The following PRKCE variants were observed in gnomAD, a reference collection of about 807,000 sequenced individuals.
PRKCE encodes the protein protein kinase C epsilon type.
PRKCE carries 16 observed loss-of-function variants against 85.4 expected under a neutral mutation model. The ratio of observed to expected loss-of-function variants is 0.19; its 90% CI spans 0.13 to 0.28. The LOEUF (loss-of-function observed/expected upper bound fraction) is 0.28, where lower values mean the gene tolerates loss of function less well. Ranked by LOEUF, PRKCE falls within the 10% of genes least tolerant of loss-of-function variation. The pLI is 1.00. For synonymous variants in PRKCE, 388 were observed against 371.5 expected, an observed-to-expected ratio of 1.04 and a Z score of -0.51; for missense variants, 573 against 975.2, an observed-to-expected ratio of 0.59 and a Z score of 5.49.
rs370136648 is a variant in PRKCE at position 45,940,498 on chromosome 2, GT to G, written c.413-35930del. ...TATGCAGTCAAAAATATTTGGAGAC[GT>G]CTGGCTTAGTAGGCCCAAGTCAGTC... On this transcript the variant is annotated intron_variant, in intron 2 of 14. Coordinates refer to ENST00000306156, the MANE Select transcript of PRKCE (RefSeq NM_005400.3). Among the ~76,000 whole-genome samples, 309 of 152,252 alleles carry G rather than the reference GT, an allele frequency of 2.0e-3. 1 individual carries two copies. Among genetic ancestry groups the G allele is most frequent in the African/African-American group, 7.1e-3 (297 of 41,540 alleles).
intron 2 of PRKCE, among the ~76,000 whole-genome samples, chr2:45,873,864 C>A (rs1482895603): frequency 6.6e-6 from 1 of 152,248 alleles, no homozygotes. Flanking sequence ...CCCAAAAAAA[C>A]CAACTGAGTC....
intron 2 of PRKCE, among the ~76,000 whole-genome samples, chr2:45,947,632 C>T (rs1700329855): frequency 6.6e-6 from 1 of 152,210 alleles, no homozygotes; most frequent in Non-Finnish European, 1.5e-5. Flanking sequence ...TTGGAGACAT[C>T]TTTTTGTGTG....
At chr2:45,764,253 T>C (rs1359551838) in intron 1 of PRKCE, among the ~76,000 whole-genome samples, 1 of 152,218 alleles carries the variant, frequency 6.6e-6, no homozygotes, top group Non-Finnish European at 1.5e-5. Flanking sequence ...GGTGAAAATA[T>C]TGGCCCATTT....
chr2:45,869,470 A>G (rs998271632), intron 2 of PRKCE, among the ~76,000 whole-genome samples: 1 of 152,152 alleles, frequency 6.6e-6, no homozygotes, highest in Non-Finnish European at 1.5e-5. Context: ...CCATTTATTT[A>G]GCACCTATTA....
intron 11 of PRKCE, among the ~76,000 whole-genome samples, chr2:46,088,599 A>G (rs561420337): frequency 6.6e-6 from 1 of 152,334 alleles, no homozygotes; most frequent in Non-Finnish European, 1.5e-5. Context: ...TGATTTGTGC[A>G]TAATGAATAT....
intron 6 of PRKCE, among the ~76,000 whole-genome samples, chr2:45,999,399 T>C (rs752469910): frequency 3.0e-4 from 45 of 152,178 alleles, no homozygotes; most frequent in Non-Finnish European, 8.8e-5. Context: ...TTTTGAATAT[T>C]TAACTTCTTG....
rs1050114152 is a variant in PRKCE at position 45,686,553 on chromosome 2, A to G, written c.348+34105A>G. 2.6e-5 allele frequency among the ~76,000 whole-genome samples: 4 copies of G among 152,226 alleles called. No homozygotes were observed. In the East Asian group the frequency reaches 5.8e-4, roughly 22 times the overall value. On this transcript the variant is annotated intron_variant, in intron 1 of 14. Transcript: ENST00000306156. ...ATACAGTGAGGTGGCTTGACATAGA[A>G]TTAATATACAAAAATAACCGTAGAG...
chr2:46,143,789 G>A (rs1019513747), intron 11 of PRKCE, among the ~76,000 whole-genome samples: 5 of 152,188 alleles, frequency 3.3e-5, no homozygotes, highest in African/African-American at 1.2e-4. Context: ...GCTTACAGCA[G>A]CATATTTTAT....
At chr2:45,778,591 A>C (rs1346026296) in intron 1 of PRKCE, among the ~76,000 whole-genome samples, 1 of 152,016 alleles carries the variant, frequency 6.6e-6, no homozygotes, top group Non-Finnish European at 1.5e-5. Flanking sequence ...AGGGCTCCTC[A>C]TGGGGTTTCA....
intron 1 of PRKCE, among the ~76,000 whole-genome samples, chr2:45,769,915 G>T (rs1685182239): frequency 6.6e-6 from 1 of 152,204 alleles, no homozygotes; most frequent in Admixed American, 6.5e-5. Context: ...TGTACACGGC[G>T]CCAATCTCCC....
chr2:45,669,773 G>A (rs1676071549), intron 1 of PRKCE, among the ~76,000 whole-genome samples: 1 of 152,196 alleles, frequency 6.6e-6, no homozygotes, highest in African/African-American at 2.4e-5. Flanking sequence ...AACTTGGGGA[G>A]GCCAAGGTGG....
chr2:46,108,490 T>G (rs1671955535), intron 11 of PRKCE, among the ~76,000 whole-genome samples: 1 of 152,118 alleles, frequency 6.6e-6, no homozygotes, highest in African/African-American at 2.4e-5. Flanking sequence ...TGTGGAATGA[T>G]GGACAGTGGA....
intron 1 of PRKCE, among the ~76,000 whole-genome samples, chr2:45,814,385 T>G (rs915014919): frequency 1.3e-5 from 2 of 152,216 alleles, no homozygotes; most frequent in Non-Finnish European, 1.5e-5. Flanking sequence ...AAGTGCTCCC[T>G]GCCTGGAAGG....
chr2:45,968,497 T>C (rs1245573386), intron 2 of PRKCE, among the ~76,000 whole-genome samples: 1 of 151,850 alleles, frequency 6.6e-6, no homozygotes, highest in African/African-American at 2.4e-5. Flanking sequence ...GGGAGGGAGG[T>C]GATGATGAAA....
At chr2:46,114,970 G>C (rs989551701) in intron 11 of PRKCE, among the ~76,000 whole-genome samples, 1 of 152,104 alleles carries the variant, frequency 6.6e-6, no homozygotes, top group Non-Finnish European at 1.5e-5. Context: ...AAGGTCCCAG[G>C]AACTCTTGTG....
At chr2:45,944,035 C>G (rs181039967) in intron 2 of PRKCE, among the ~76,000 whole-genome samples, 1 of 152,302 alleles carries the variant, frequency 6.6e-6, no homozygotes, top group African/African-American at 2.4e-5. Context: ...ATGGCTGAGT[C>G]AGATGTGGAA....
At chr2:45,979,143 A>C (rs917474135) in intron 4 of PRKCE, 133 bp downstream of exon 4, 2 of 865,596 alleles carry the variant, frequency 2.3e-6, no homozygotes, top group Non-Finnish European at 3.7e-6. Flanking sequence ...CTTTGTTCCC[A>C]CTTGACCATT....
intron 10 of PRKCE, among the ~76,000 whole-genome samples, chr2:46,029,324 G>A (rs1707351021): frequency 6.6e-6 from 1 of 152,188 alleles, no homozygotes; most frequent in South Asian, 2.1e-4. Flanking sequence ...TCATTCTACA[G>A]TGCTGTCTCA....
At chr2:45,870,562 C>A (rs923751463) in intron 2 of PRKCE, among the ~76,000 whole-genome samples, 4 of 152,182 alleles carry the variant, frequency 2.6e-5, no homozygotes, top group African/African-American at 9.7e-5. Context: ...CTCTCATCAG[C>A]CATGCAGAGC....
Sources: allele counts gnomAD v4.1 joint callset (sites outside exome capture counted in the v4.1 genomes callset), GRCh38; gene constraint gnomAD v4.1.1; transcripts MANE v1.5; gene names NCBI Gene and HGNC (gene_info 2026-07-23, HGNC 2026-07-21).